Variants in ADGRV1 observed in about 807,000 individuals in gnomAD.
ADGRV1 encodes the protein G-protein coupled receptor 98.
Under a neutral mutation model 596.2 loss-of-function variants are expected in ADGRV1, and 359 were observed. The observed-to-expected ratio is 0.60, with a 90% CI of 0.55 to 0.66. The LOEUF (loss-of-function observed/expected upper bound fraction) is 0.66, where lower values mean the gene tolerates loss of function less well. ADGRV1 is among the 30% of genes least tolerant of loss of function. The pLI, the probability that ADGRV1 is intolerant of heterozygous loss-of-function variation, is 0.00. For missense variants in ADGRV1, 7,274 were observed against 7,575.6 expected, an observed-to-expected ratio of 0.96 and a Z score of 1.48; for synonymous variants, 2,681 against 2,679.2, an observed-to-expected ratio of 1.00 and a Z score of -0.02.
At chr5:90,865,666 G>A (rs1333498549) in intron 83 of ADGRV1, among the ~76,000 whole-genome samples, 2 of 151,980 alleles carry the variant, frequency 1.3e-5, no homozygotes, top group East Asian at 1.9e-4. Flanking sequence ...GGAAGAATTG[G>A]TATGTTATTG....
intron 31 of ADGRV1, among the ~76,000 whole-genome samples, chr5:90,691,628 A>G (rs1421094509): frequency 6.6e-6 from 1 of 151,920 alleles, no homozygotes; most frequent in Non-Finnish European, 1.5e-5. Context: ...CAGGTGATCC[A>G]CCTGCCTCAG....
chr5:90,585,193 T>C (rs192623173), intron 1 of ADGRV1, among the ~76,000 whole-genome samples: 14 of 152,366 alleles, frequency 9.2e-5, no homozygotes, highest in Admixed American at 8.5e-4. Flanking sequence ...AAATGAGTTA[T>C]ATAACTTTTG....
intron 20 of ADGRV1, 180 bp downstream of exon 20, chr5:90,654,132 T>C (rs1769060422): frequency 1.5e-6 from 1 of 684,532 alleles, no homozygotes; most frequent in African/African-American, 1.8e-5. Flanking sequence ...TCCTGAGTGT[T>C]ACAGAAATGA....
chr5:90,596,079 G>C (rs1383497973), intron 1 of ADGRV1, among the ~76,000 whole-genome samples: 1 of 149,542 alleles, frequency 6.7e-6, no homozygotes, highest in Admixed American at 6.6e-5. Flanking sequence ...CAGACGGGGC[G>C]GCCGGGCAGA....
intron 83 of ADGRV1, among the ~76,000 whole-genome samples, chr5:90,918,445 C>T (rs959555981): frequency 2.0e-5 from 3 of 152,164 alleles, no homozygotes; most frequent in African/African-American, 7.2e-5. Context: ...TCTCTTGCAT[C>T]TTCTACATCC....
chr5:91,100,335 G>A (rs2973455), intron 86 of ADGRV1, among the ~76,000 whole-genome samples: 18,782 of 152,052 alleles, frequency 0.12, 1,317 homozygotes, highest in African/African-American at 0.2. Context: ...GAGGTGGCAG[G>A]ATGGCTTGAG....
chr5:90,809,170 A>G (rs1385763572), intron 73 of ADGRV1, among the ~76,000 whole-genome samples: 1 of 151,468 alleles, frequency 6.6e-6, no homozygotes, highest in African/African-American at 2.4e-5. Flanking sequence ...GTTAGCCAGG[A>G]TGGTCTCGAT....
intron 83 of ADGRV1, among the ~76,000 whole-genome samples, chr5:90,936,891 A>G (rs1448635375): frequency 1.3e-5 from 2 of 152,140 alleles, no homozygotes; most frequent in Admixed American, 1.3e-4. Flanking sequence ...TAATATGTCT[A>G]AAATGTCTTT....
At chr5:90,689,538 C>T (rs555944758) in intron 29 of ADGRV1, among the ~76,000 whole-genome samples, 6 of 151,472 alleles carry the variant, frequency 4.0e-5, no homozygotes, top group Non-Finnish European at 8.8e-5. Context: ...ACATTTTTTT[C>T]TTGTAGTTAA....
chr5:91,087,416 C>A (rs1334579060), intron 86 of ADGRV1, among the ~76,000 whole-genome samples: 11 of 152,030 alleles, frequency 7.2e-5, no homozygotes, highest in Admixed American at 6.6e-5. Context: ...CCTGCCTCAG[C>A]CTCCCAAGTA....
intron 83 of ADGRV1, among the ~76,000 whole-genome samples, chr5:90,893,125 T>C (rs1770979539): frequency 6.6e-6 from 1 of 152,156 alleles, no homozygotes; most frequent in Admixed American, 6.6e-5. Context: ...GCTCTCACTA[T>C]CAGTGAGGAA....
At chr5:90,726,323 C>T (rs1432576022) in intron 48 of ADGRV1, among the ~76,000 whole-genome samples, 6 of 152,170 alleles carry the variant, frequency 3.9e-5, no homozygotes, top group Non-Finnish European at 8.8e-5. Flanking sequence ...ACATCTCTCT[C>T]TCTATTTGGT....
intron 1 of ADGRV1, among the ~76,000 whole-genome samples, chr5:90,606,373 G>A (rs73179769): frequency 6.6e-6 from 1 of 152,192 alleles, no homozygotes; most frequent in East Asian, 1.9e-4. Flanking sequence ...TGTCTTGAGG[G>A]TCATTGTATA....
At chr5:90,941,379 AGCCATTTTTTAAAATGAGAATG>A (rs1776157043) in intron 83 of ADGRV1, among the ~76,000 whole-genome samples, 1 of 152,238 alleles carries the variant, frequency 6.6e-6, no homozygotes, top group Non-Finnish European at 1.5e-5. Flanking sequence ...AAATACAAAT[AGCCATTTTTTAAAATGAGAATG>A]ACTTTTAAGA....
In ADGRV1 at chr5:90,829,055, T is replaced by A. The variant is rs774643154; in HGVS notation, c.16480T>A (p.Ser5494Thr). The change falls in exon 77 of 90, where the codon TCT becomes ACT. Residue 5494 changes from serine (S) to threonine (T), a missense_variant. Physicochemically the swap from Ser to Thr is moderately conservative, Grantham distance 58 (BLOSUM62 1). Transcript: ENST00000405460. ...GATTAAAATCTTAGAAAGTGATGAA[T>A]CTCAAAGCCTTGTGTATTTTTCTGT... Reference protein sequence around the residue: ...AQIKILESDESQSLVYFSVGS... With the variant: ...AQIKILESDETQSLVYFSVGS... 6 of 1,612,562 alleles carry A rather than the reference T, an allele frequency of 3.7e-6. No individual in the cohort carries two copies. The African/African-American group carries it at 8.0e-5, about 22-fold the overall frequency.
At position 90,816,779 on chromosome 5, in the gene ADGRV1, T is replaced by C. The variant is rs373918887; in HGVS notation, c.16196+1043T>C. On this transcript the variant is annotated intron_variant, in intron 75 of 89. Coordinates refer to ENST00000405460, the MANE Select transcript of ADGRV1 (RefSeq NM_032119.4). ...TGGCTGCATAGTATTCCATGGTGTATATGTGCCACATTTTCTTAATCCAGT... is the reference window on the plus strand; with the variant it reads ...TGGCTGCATAGTATTCCATGGTGTACATGTGCCACATTTTCTTAATCCAGT... Among the ~76,000 whole-genome samples the C allele has an allele frequency of 1.7e-4, 26 of 151,992 alleles. No homozygotes were observed. The East Asian group carries it at 2.7e-3, about 16-fold the overall frequency.
chr5:90,822,309 A>C (rs1581233818), intron 75 of ADGRV1: 1 of 153,248 alleles, frequency 6.5e-6, no homozygotes, highest in African/African-American at 2.4e-5. Context: ...ACCTGCGCCC[A>C]CTGTCTGGCA....
At chr5:91,053,668 C>T (rs928280603) in intron 85 of ADGRV1, among the ~76,000 whole-genome samples, 2 of 152,212 alleles carry the variant, frequency 1.3e-5, no homozygotes, top group African/African-American at 2.4e-5. Context: ...AATCTCATCT[C>T]GTTCTTGGCA....
At chr5:91,149,808 G>A (rs1372280018) in intron 87 of ADGRV1, among the ~76,000 whole-genome samples, 3 of 126,170 alleles carry the variant, frequency 2.4e-5, no homozygotes, top group South Asian at 2.7e-4. Context: ...CTCCAGCCTC[G>A]GTGACAGAAT....
Sources: gnomAD v4.1 joint callset for allele counts (sites outside exome capture counted in the v4.1 genomes callset) on GRCh38, gnomAD v4.1.1 for gene constraint, MANE v1.5 for transcripts, NCBI Gene and HGNC (gene_info 2026-07-23, HGNC 2026-07-21) for gene names.